ARHGEF19: variants seen among roughly 807,000 people sequenced by gnomAD.
ARHGEF19 encodes Rho guanine nucleotide exchange factor 19.
Under a neutral mutation model 87.6 loss-of-function variants are expected in ARHGEF19, and 92 were observed. That is an observed-to-expected ratio of 1.05 (90% CI 0.89 to 1.25). ARHGEF19 has a LOEUF of 1.25. Ranked by LOEUF, ARHGEF19 falls within the 50% of genes most tolerant of loss-of-function variation. The pLI, the probability that ARHGEF19 is intolerant of heterozygous loss-of-function variation, is 0.00. For missense variants in ARHGEF19, 1,054 were observed against 1,051.8 expected (o/e 1.00, Z -0.03); for synonymous variants, 438 against 446.2 (o/e 0.98, Z 0.23).
In ARHGEF19 at chr1:16,207,901, C is replaced by CCCGCCT; in HGVS notation, c.694+42_694+43insAGGCGG. 2.5e-6 allele frequency: 4 copies of CCCGCCT among 1,575,244 alleles called. No homozygotes were observed. The highest frequency in any genetic ancestry group is 1.1e-5 in the South Asian group (1 of 88,950). On this transcript the variant is annotated intron_variant, in intron 3 of 15. Transcript: ENST00000270747. This position sits in a 1 kb window ranked among gnomAD's most constrained non-coding sequence, Gnocchi z 4.0. ...GGGCATCGCCCACCCCCACCCCCAC[C>CCCGCCT]CGGCATCTGGCTGCCCTCAGGGCCC...
rs1231952450 is a variant in ARHGEF19 at position 16,207,745 on chromosome 1, C to T, written c.727G>A (p.Glu243Lys). The T allele has an allele frequency of 5.0e-6, 8 of 1,614,088 alleles. No individual in the cohort carries two copies. The highest frequency in any genetic ancestry group is 3.3e-4 in the Middle Eastern group (2 of 6,058). ...CGCGACACCCGGTCCCCGCTCATCT[C>T]TACACTTCGAGCCTCCATTCCAGAT... ...KASGMEARSV[E>K]MSGDRVSRPA... Residue 243 changes from glutamate (E) to lysine (K), a missense_variant, in exon 4 of 16, where the codon GAG becomes AAG. Coordinates refer to ENST00000270747, the MANE Select transcript of ARHGEF19 (RefSeq NM_153213.5). The surrounding 1 kb of genome is among the most constrained non-coding windows in gnomAD (Gnocchi z 4.0).
chr1:16,207,902 C>CCGCCGCGG lies in ARHGEF19; in HGVS notation c.694+41_694+42insCCGCGGCG. ...GGCATCGCCCACCCCCACCCCCACC[C>CCGCCGCGG]GGCATCTGGCTGCCCTCAGGGCCCA... On this transcript the variant is annotated intron_variant, in intron 3 of 15. Coordinates refer to ENST00000270747, the MANE Select transcript of ARHGEF19 (RefSeq NM_153213.5). This position sits in a 1 kb window ranked among gnomAD's most constrained non-coding sequence, Gnocchi z 4.0. The CCGCCGCGG allele has an allele frequency of 1.9e-6, 3 of 1,574,788 alleles. No individual in the cohort carries two copies. Among genetic ancestry groups the CCGCCGCGG allele is most frequent in the Non-Finnish European group, 2.6e-6 (3 of 1,159,172 alleles).
chr1:16,202,980 G>A (rs1043850553), intron 12 of ARHGEF19, among the ~76,000 whole-genome samples: 1 of 152,024 alleles, frequency 6.6e-6, no homozygotes, highest in African/African-American at 2.4e-5. Context: ...AGGTTCAAGC[G>A]ATTCATGACC....
chr1:16,208,801 G>A lies in ARHGEF19; in HGVS notation c.254C>T (p.Ser85Leu). ...CCCCCCGCTGGTGATCTCTGTATCTGAGCCTCCTGGGGATAATGGCCATAG... is the reference window on the plus strand; with the variant it reads ...CCCCCCGCTGGTGATCTCTGTATCTAAGCCTCCTGGGGATAATGGCCATAG... ...GLLWPLSPGG[S>L]DTEITSGGMR... is the part of the protein sequence containing the mutation. Residue 85 changes from serine (S) to leucine (L), a missense_variant, in exon 2 of 16, where the codon TCA becomes TTA. Physicochemically the swap from Ser to Leu is moderately radical, Grantham distance 145. Transcript: ENST00000270747. The A allele has an allele frequency of 6.2e-7, 1 of 1,613,596 alleles. No homozygotes were observed. The highest frequency in any genetic ancestry group is 8.5e-7 in the Non-Finnish European group (1 of 1,179,820).
chr1:16,206,906 C>T lies in ARHGEF19; in HGVS notation c.1137+42G>A, dbSNP rs1056402689. ...CGCTAAGTCCCCGGACCGCGTACTC[C>T]CCGGCCCGCCCCCGCCCCGCCGGGT... On this transcript the variant is annotated intron_variant, in intron 6 of 15. Coordinates refer to ENST00000270747, the MANE Select transcript of ARHGEF19 (RefSeq NM_153213.5). The surrounding 1 kb of genome is among the most constrained non-coding windows in gnomAD (Gnocchi z 4.6). The T allele has an allele frequency of 3.5e-6, 5 of 1,425,426 alleles. No homozygotes were observed. In the African/African-American group the frequency reaches 4.5e-5, roughly 13 times the overall value. The allele number at this position is 1,425,426 out of a possible 1,614,324, so 88.3% of individuals were successfully genotyped here.
At chr1:16,199,300 A>C in intron 14 of ARHGEF19, 46 bp from the exon 15 acceptor site, 1 of 1,489,500 alleles carries the variant, frequency 6.7e-7, no homozygotes. Flanking sequence ...GCAGGATGGC[A>C]GGGGGAGGAG....
rs113045127 is a variant in ARHGEF19 at position 16,210,183 on chromosome 1, G to A, written c.-29-1100C>T. On this transcript the variant is annotated intron_variant, in intron 1 of 15. Coordinates refer to ENST00000270747, the MANE Select transcript of ARHGEF19 (RefSeq NM_153213.5). ...GCTGCTGATGCTGTTTGGCTGTTCCGGCAGGGGAAGCCCTCTCTCTGCCCA... is the reference window on the plus strand; with the variant it reads ...GCTGCTGATGCTGTTTGGCTGTTCCAGCAGGGGAAGCCCTCTCTCTGCCCA... Among the ~76,000 whole-genome samples, 19 of 152,362 alleles carry A rather than the reference G, an allele frequency of 1.2e-4. No individual in the cohort carries two copies. In the East Asian group the frequency reaches 1.5e-3, roughly 12 times the overall value.
rs1569710639 is a variant in ARHGEF19 at position 16,206,371 on chromosome 1, G to A, written c.1138-31C>T. On this transcript the variant is annotated intron_variant, in intron 6 of 15. Coordinates refer to ENST00000270747, the MANE Select transcript of ARHGEF19 (RefSeq NM_153213.5). This position sits in a 1 kb window ranked among gnomAD's most constrained non-coding sequence, Gnocchi z 4.6. The stretch of plus-strand genomic sequence containing the variant: ...GGAGGGCACACACGGGGTCGAAAGG[G>A]CAGGACCAGTTCACCTCGGAGGCCC... The A allele has an allele frequency of 1.9e-6, 3 of 1,564,522 alleles. No individual in the cohort carries two copies. The highest frequency in any genetic ancestry group is 2.3e-5 in the East Asian group (1 of 42,856).
Position 16,199,192 on chromosome 1 carries a change from C to T in ARHGEF19, c.2209G>A (p.Glu737Lys). 1 of 1,614,066 alleles carries T rather than the reference C, an allele frequency of 6.2e-7. No individual in the cohort carries two copies. The highest frequency in any genetic ancestry group is 8.5e-7 in the Non-Finnish European group (1 of 1,179,952). ...KALHPDELTL[E>K]KTDILSVRTW... The stretch of plus-strand genomic sequence containing the variant: ...CTCACTGACAGGATGTCAGTCTTCT[C>T]CAAGGTCAGCTCATCTGGGTGCAGT... The change falls in exon 15 of 16, where the codon GAG (glutamate) becomes AAG (lysine). Residue 737 changes from glutamate (E) to lysine (K), a missense_variant. Coordinates refer to ENST00000270747, the MANE Select transcript of ARHGEF19 (RefSeq NM_153213.5).
chr1:16,199,064 A>G, intron 15 of ARHGEF19, 86 bp downstream of exon 15: 2 of 1,343,830 alleles, frequency 1.5e-6, no homozygotes, highest in Non-Finnish European at 2.1e-6. Flanking sequence ...CACTTGCAGA[A>G]CCTTTCCCTG....
intron 14 of ARHGEF19, 99 bp from the exon 15 acceptor site, chr1:16,199,353 T>G (rs1569695128): frequency 2.1e-6 from 2 of 933,702 alleles, no homozygotes; most frequent in South Asian, 1.4e-5. Flanking sequence ...AGTAAGGGGG[T>G]GGGAAGGTGG....
chr1:16,205,168 C>T lies in ARHGEF19; in HGVS notation c.1665G>A (p.Gln555=), dbSNP rs768901644. The T allele has an allele frequency of 6.3e-7, 1 of 1,597,702 alleles. No individual in the cohort carries two copies. The highest frequency in any genetic ancestry group is 1.1e-5 in the South Asian group (1 of 88,918). ...KAFNALKELV[Q]ECNASVQSMK... Reference sequence around the variant, plus strand: ...TGGACTGTACACTAGCATTGCACTCCTGCACCAGCTGGGGGAGCCGTGGGG... The same window carrying T: ...TGGACTGTACACTAGCATTGCACTCTTGCACCAGCTGGGGGAGCCGTGGGG... Residue 555 remains glutamine, a synonymous_variant, in exon 11 of 16, where the codon CAG becomes CAA. Transcript: ENST00000270747. This position sits in a 1 kb window ranked among gnomAD's most constrained non-coding sequence, Gnocchi z 5.8.
chr1:16,201,324 A>G (rs554583163), intron 14 of ARHGEF19, among the ~76,000 whole-genome samples: 1 of 152,124 alleles, frequency 6.6e-6, no homozygotes, highest in Non-Finnish European at 1.5e-5. Context: ...TTCACACCCA[A>G]AGGAAAAACC....
At position 16,206,163 on chromosome 1, in the gene ARHGEF19, C is replaced by A; in HGVS notation, c.1298+17G>T. On this transcript the variant is annotated intron_variant, in intron 7 of 15. Coordinates refer to ENST00000270747, the MANE Select transcript of ARHGEF19 (RefSeq NM_153213.5). This position sits in a 1 kb window ranked among gnomAD's most constrained non-coding sequence, Gnocchi z 4.6. ...GGCTCCGTCCCCACCCCGGGCCAGG[C>A]CAGACCACTTCTTCACCTCTCGCTG... 1.3e-6 allele frequency: 2 copies of A among 1,590,464 alleles called. No homozygotes were observed. Among genetic ancestry groups the A allele is most frequent in the South Asian group, 1.1e-5 (1 of 87,720 alleles).
chr1:16,199,470 G>A (rs2081067195), intron 14 of ARHGEF19, among the ~76,000 whole-genome samples: 2 of 152,034 alleles, frequency 1.3e-5, no homozygotes, highest in African/African-American at 2.4e-5. Flanking sequence ...CTAAACACAA[G>A]TGCAGGATTA....
Position 16,207,211 on chromosome 1 carries a change from C to A in ARHGEF19, c.875-1G>T. 1 of 1,514,610 alleles carries A rather than the reference C, an allele frequency of 6.6e-7. No homozygotes were observed. The highest frequency in any genetic ancestry group is 8.8e-7 in the Non-Finnish European group (1 of 1,136,904). 93.8% of individuals were successfully genotyped at this position (1,514,610 alleles called of 1,614,324 possible). A position where few individuals can be genotyped will look rare whatever the true frequency, so the allele number is the denominator to read the frequency against. ...TCGCTGTATTCCTGATAGAGGACGG[C>A]TGGGGGAAAGACGGGCGGGGGAGAG... On this transcript the variant is annotated splice_acceptor_variant, in intron 5 of 15. Transcript: ENST00000270747. LOFTEE classifies it high-confidence loss of function. The surrounding 1 kb of genome is among the most constrained non-coding windows in gnomAD (Gnocchi z 4.0).
In ARHGEF19 at chr1:16,202,411, C is replaced by T. The variant is rs1299190954; in HGVS notation, c.2066+5G>A. ...CTCCTCTCTCCCATATCCAGGCCCA[C>T]TCACTCCGTCCGGGCCCGCAGCAGG... On this transcript the variant is annotated splice_donor_5th_base_variant and intron_variant, in intron 13 of 15. Transcript: ENST00000270747. 6 of 1,608,086 alleles carry T rather than the reference C, an allele frequency of 3.7e-6. No homozygotes were observed. The highest frequency in any genetic ancestry group is 1.3e-5 in the African/African-American group (1 of 74,874).
chr1:16,205,341 C>A lies in ARHGEF19; in HGVS notation c.1656+10G>T, dbSNP rs763657783. 3.3e-5 allele frequency: 54 copies of A among 1,613,894 alleles called. No individual in the cohort carries two copies. The highest frequency in any genetic ancestry group is 4.6e-5 in the Non-Finnish European group (54 of 1,179,858). Reference sequence around the variant, plus strand: ...CAGGAGCCAAGCAGCCCCTGCCCTGCCCAGCTCACCTCCTTGAGCGCATTG... The same window carrying A: ...CAGGAGCCAAGCAGCCCCTGCCCTGACCAGCTCACCTCCTTGAGCGCATTG... On this transcript the variant is annotated intron_variant, in intron 10 of 15. Transcript: ENST00000270747. This position sits in a 1 kb window ranked among gnomAD's most constrained non-coding sequence, Gnocchi z 5.8.
In ARHGEF19 at chr1:16,207,714, G is replaced by A. The variant is rs756200451; in HGVS notation, c.758C>T (p.Ala253Val). Residue 253 changes from alanine to valine, a missense_variant, in exon 4 of 16, where the codon GCC becomes GTC. Ala to Val is a moderately conservative substitution (Grantham distance 64, BLOSUM62 0). Transcript: ENST00000270747. This position sits in a 1 kb window ranked among gnomAD's most constrained non-coding sequence, Gnocchi z 4.0. Reference sequence around the variant, plus strand: ...ATCGCCCTCTCGTGAGTCACCAGGGGCTGGCCGCGACACCCGGTCCCCGCT... The same window carrying A: ...ATCGCCCTCTCGTGAGTCACCAGGGACTGGCCGCGACACCCGGTCCCCGCT... ...EMSGDRVSRP[A>V]PGDSREGDWS... 1 of 1,613,968 alleles carries A rather than the reference G, an allele frequency of 6.2e-7. No individual in the cohort carries two copies. The highest frequency in any genetic ancestry group is 1.1e-5 in the South Asian group (1 of 91,080).
Sources: allele counts gnomAD v4.1 joint callset (sites outside exome capture counted in the v4.1 genomes callset), GRCh38; gene constraint gnomAD v4.1.1; non-coding constraint Gnocchi (gnomAD v3.1); transcripts MANE v1.5; gene names NCBI Gene and HGNC (gene_info 2026-07-23, HGNC 2026-07-21).